TSHZ2: variants seen among roughly 807,000 people sequenced by gnomAD.
TSHZ2 encodes teashirt zinc finger homeobox 2.
In TSHZ2, 21 loss-of-function variants were observed where a neutral mutation model predicts 74.4. That is an observed-to-expected ratio of 0.28 (90% CI 0.20 to 0.41). The LOEUF is 0.41. Ranked by LOEUF, TSHZ2 falls within the 10% of genes least tolerant of loss-of-function variation. The pLI is 1.00. For synonymous variants in TSHZ2, 540 were observed against 515.3 expected, an observed-to-expected ratio of 1.05 and a Z score of -0.65; for missense variants, 1,244 against 1,293.5, an observed-to-expected ratio of 0.96 and a Z score of 0.59.
chr20:53,210,387 G>C (rs1448814317), intron 1 of TSHZ2, among the ~76,000 whole-genome samples: 1 of 152,312 alleles, frequency 6.6e-6, no homozygotes, highest in East Asian at 1.9e-4. Flanking sequence ...TCGAGCGGTG[G>C]AGGTGGCTCT....
chr20:53,427,916 A>T (rs922825255), intron 2 of TSHZ2, among the ~76,000 whole-genome samples: 7 of 152,060 alleles, frequency 4.6e-5, no homozygotes, highest in Non-Finnish European at 1.0e-4. Flanking sequence ...AATACTAAGG[A>T]CTCTAACATG....
At chr20:53,478,672 A>AATAAAC (rs1412743606) in intron 2 of TSHZ2, among the ~76,000 whole-genome samples, 2 of 151,504 alleles carry the variant, frequency 1.3e-5, no homozygotes, top group East Asian at 3.9e-4. Context: ...ATAAATAAAA[A>AATAAAC]ATAAAAATAA....
At chr20:53,151,260 G>A (rs975601299) in intron 1 of TSHZ2, among the ~76,000 whole-genome samples, 4 of 152,176 alleles carry the variant, frequency 2.6e-5, no homozygotes, top group Admixed American at 1.3e-4. Flanking sequence ...GTGCCTATTC[G>A]CTGAGATGGA....
chr20:53,386,781 T>A (rs1453379253), intron 2 of TSHZ2, among the ~76,000 whole-genome samples: 1 of 152,106 alleles, frequency 6.6e-6, no homozygotes, highest in Non-Finnish European at 1.5e-5. Context: ...AACTAATCAC[T>A]GGATGAAAGG....
At chr20:53,153,332 G>A (rs191927025) in intron 1 of TSHZ2, among the ~76,000 whole-genome samples, 2 of 152,286 alleles carry the variant, frequency 1.3e-5, no homozygotes, top group East Asian at 3.9e-4. Context: ...TGCTAGGCAA[G>A]AGGTCCCTGT....
Position 53,492,032 on chromosome 20 carries a change from G to A in TSHZ2, c.*4897G>A, listed in dbSNP as rs967890667. On this transcript the variant is annotated 3_prime_UTR_variant, in exon 3 of 3. Transcript: ENST00000371497. ...TAAGAAACCCCAGGAGAAACTTTTT[G>A]GTAAGAAACCTCAAAAAATTTGAAC... is the stretch of plus-strand genomic sequence containing the variant. The A allele has an allele frequency of 1.4e-5, 2 of 140,602 alleles. No homozygotes were observed. The highest frequency in any genetic ancestry group is 2.6e-5 in the African/African-American group (1 of 37,760). 8.7% of individuals were successfully genotyped at this position (140,602 alleles called of 1,614,324 possible). A position where few individuals can be genotyped will look rare whatever the true frequency, so the allele number is the denominator to read the frequency against.
chr20:53,435,553 G>A (rs1325330994), intron 2 of TSHZ2, among the ~76,000 whole-genome samples: 6 of 152,194 alleles, frequency 3.9e-5, no homozygotes, highest in Non-Finnish European at 7.4e-5. Flanking sequence ...TTGCTCTGTC[G>A]CCCAGGCTGG....
chr20:53,325,566 A>G (rs368736165), intron 2 of TSHZ2, among the ~76,000 whole-genome samples: 3 of 152,242 alleles, frequency 2.0e-5, no homozygotes, highest in African/African-American at 7.2e-5. Flanking sequence ...AGGAGTGTCC[A>G]CACCTGGGTT....
At chr20:53,305,218 A>G (rs972402101) in intron 2 of TSHZ2, among the ~76,000 whole-genome samples, 3 of 152,118 alleles carry the variant, frequency 2.0e-5, no homozygotes, top group Admixed American at 1.3e-4. Context: ...GATTACAGGC[A>G]TGAGCCACCG....
chr20:52,991,382 G>T (rs1981984400), intron 1 of TSHZ2, among the ~76,000 whole-genome samples: 1 of 141,202 alleles, frequency 7.1e-6, no homozygotes, highest in Admixed American at 7.1e-5. Context: ...GATTATGTAT[G>T]TTGTGGGTAT....
intron 1 of TSHZ2, among the ~76,000 whole-genome samples, chr20:53,024,039 A>C (rs539036475): frequency 6.6e-6 from 1 of 151,730 alleles, no homozygotes. Flanking sequence ...AGGGGAGGTC[A>C]TTTTTTTCCC....
chr20:53,377,877 C>T (rs1420760401), intron 2 of TSHZ2, among the ~76,000 whole-genome samples: 1 of 151,508 alleles, frequency 6.6e-6, no homozygotes, highest in Admixed American at 6.6e-5. Flanking sequence ...AAACAAAAGG[C>T]TACTGGCCAA....
chr20:53,003,806 G>A (rs1303620693), intron 1 of TSHZ2, among the ~76,000 whole-genome samples: 4 of 152,154 alleles, frequency 2.6e-5, no homozygotes, highest in Non-Finnish European at 5.9e-5. Flanking sequence ...TTCATCTTGG[G>A]GACCTGGGAT....
intron 1 of TSHZ2, among the ~76,000 whole-genome samples, chr20:53,041,374 T>C (rs115258107): frequency 6.4e-4 from 97 of 152,342 alleles, no homozygotes; most frequent in African/African-American, 2.2e-3. Context: ...AGATTTACTT[T>C]TTAACATTTC....
intron 2 of TSHZ2, among the ~76,000 whole-genome samples, chr20:53,351,466 C>CAGT (rs1980644143): frequency 1.3e-5 from 2 of 152,168 alleles, no homozygotes; most frequent in South Asian, 4.1e-4. Flanking sequence ...TACTTACCTT[C>CAGT]AGTAGGTTAG....
intron 2 of TSHZ2, among the ~76,000 whole-genome samples, chr20:53,484,412 G>A (rs1381079433): frequency 7.3e-6 from 1 of 137,844 alleles, no homozygotes. Context: ...TTAAGACAGA[G>A]TCTCACTCTG....
chr20:53,294,468 C>A (rs1393854849), intron 2 of TSHZ2, among the ~76,000 whole-genome samples: 1 of 150,840 alleles, frequency 6.6e-6, no homozygotes, highest in Non-Finnish European at 1.5e-5. Flanking sequence ...AGTCCACAAG[C>A]TTATAAAAAA....
At chr20:52,999,534 C>G (rs990006403) in intron 1 of TSHZ2, among the ~76,000 whole-genome samples, 1 of 152,162 alleles carries the variant, frequency 6.6e-6, no homozygotes, top group Non-Finnish European at 1.5e-5. Flanking sequence ...CAGATGGAAT[C>G]CAACATTTCC....
chr20:53,289,845 T>C (rs1027055725), intron 2 of TSHZ2, among the ~76,000 whole-genome samples: 1 of 152,158 alleles, frequency 6.6e-6, no homozygotes, highest in African/African-American at 2.4e-5. Flanking sequence ...ATTGAAATGA[T>C]TGAAATTTTG....
Sources: gnomAD v4.1 joint callset for allele counts (sites outside exome capture counted in the v4.1 genomes callset) on GRCh38, gnomAD v4.1.1 for gene constraint, MANE v1.5 for transcripts, NCBI Gene and HGNC (gene_info 2026-07-23, HGNC 2026-07-21) for gene names.